PRDM16: variants seen among roughly 807,000 people sequenced by gnomAD.
PRDM16 encodes the protein PR/SET domain 16.
In PRDM16, 23 loss-of-function variants were observed where a neutral mutation model predicts 110.6. That is an observed-to-expected ratio of 0.21 (90% CI 0.15 to 0.29). The LOEUF (loss-of-function observed/expected upper bound fraction) is 0.29, where lower values mean the gene tolerates loss of function less well. Ranked by LOEUF, PRDM16 falls within the 10% of genes least tolerant of loss-of-function variation. The pLI is 1.00. For missense variants in PRDM16, 1,615 were observed against 1,794.3 expected, an observed-to-expected ratio of 0.90 and a Z score of 1.81; for synonymous variants, 799 against 781.8, an observed-to-expected ratio of 1.02 and a Z score of -0.37.
intron 1 of PRDM16, among the ~76,000 whole-genome samples, chr1:3,159,389 C>T (rs556069338): frequency 9.8e-5 from 15 of 152,366 alleles, no homozygotes; most frequent in Non-Finnish European, 1.8e-4. Context: ...ACAGTATCAG[C>T]AGGCTGGCTC....
rs1391796854 is a variant in PRDM16 at position 3,143,089 on chromosome 1, GA to G, written c.38-43035del. On this transcript the variant is annotated intron_variant, in intron 1 of 16. Coordinates refer to ENST00000270722, the MANE Select transcript of PRDM16 (RefSeq NM_022114.4). This position sits in a 1 kb window ranked among gnomAD's most constrained non-coding sequence, Gnocchi z 4.5. ...TACCCGCGGGCACCCATGGAAGCCT[GA>G]GCTCTGTCTTTTCAGTCGCCTGTCA... Among the ~76,000 whole-genome samples the G allele has an allele frequency of 1.3e-5, 2 of 152,238 alleles. No homozygotes were observed. The highest frequency in any genetic ancestry group is 2.4e-5 in the African/African-American group (1 of 41,462).
intron 1 of PRDM16, among the ~76,000 whole-genome samples, chr1:3,147,492 C>T (rs1364056479): frequency 2.6e-5 from 4 of 152,092 alleles, no homozygotes; most frequent in Admixed American, 1.3e-4. Flanking sequence ...CTGTGGACTC[C>T]GTCGCCCTGA....
At chr1:3,100,152 C>T (rs950258962) in intron 1 of PRDM16, among the ~76,000 whole-genome samples, 1 of 152,074 alleles carries the variant, frequency 6.6e-6, no homozygotes, top group African/African-American at 2.4e-5. Flanking sequence ...TCCCCTGAGG[C>T]CTTTGGTCTT....
intron 1 of PRDM16, among the ~76,000 whole-genome samples, chr1:3,117,412 G>A (rs1174396401): frequency 6.6e-6 from 1 of 152,120 alleles, no homozygotes; most frequent in Non-Finnish European, 1.5e-5. Context: ...GGAGCTGGCG[G>A]GTGAGAACGC....
chr1:3,233,038 G>T (rs1428241027), intron 2 of PRDM16, among the ~76,000 whole-genome samples: 1 of 152,210 alleles, frequency 6.6e-6, no homozygotes, highest in Non-Finnish European at 1.5e-5. Flanking sequence ...ACTAAAAAGG[G>T]TTGAGATAAA....
intron 5 of PRDM16, among the ~76,000 whole-genome samples, chr1:3,397,444 G>A (rs939881776): frequency 3.3e-5 from 5 of 152,214 alleles, no homozygotes; most frequent in Admixed American, 6.5e-5. Context: ...GCTCATTCCT[G>A]CCTTCACGTC....
chr1:3,094,078 C>T (rs1642336889), intron 1 of PRDM16, among the ~76,000 whole-genome samples: 1 of 152,206 alleles, frequency 6.6e-6, no homozygotes, highest in Admixed American at 6.5e-5. Flanking sequence ...GTGGCTGCAG[C>T]CAGTGTGGTC....
At chr1:3,125,170 C>T (rs1056070149) in intron 1 of PRDM16, among the ~76,000 whole-genome samples, 2 of 152,404 alleles carry the variant, frequency 1.3e-5, no homozygotes, top group South Asian at 4.1e-4. Context: ...GTGCGCACCC[C>T]GCAGCTGCAC....
intron 4 of PRDM16, among the ~76,000 whole-genome samples, chr1:3,387,471 A>AC (rs1302330011): frequency 2.0e-5 from 3 of 151,936 alleles, no homozygotes; most frequent in South Asian, 4.2e-4. Context: ...GGCACTTCCG[A>AC]CCCCCTCAAC....
At chr1:3,280,507 AG>A (rs2100324099) in intron 3 of PRDM16, among the ~76,000 whole-genome samples, 1 of 152,278 alleles carries the variant, frequency 6.6e-6, no homozygotes, top group South Asian at 2.1e-4. Flanking sequence ...TCATGTGCGG[AG>A]GGACGGCGTA....
At position 3,186,269 on chromosome 1, in the gene PRDM16, C is replaced by A. The variant is rs1455068514; in HGVS notation, c.182C>A (p.Thr61Asn). ...CCCTTCCCCACCAGCGAGGACTTCA[C>A]CCCCAAGGAGGGCTCGCCGTACGAG... ...PSPFPTSEDF[T>N]PKEGSPYEAP... Residue 61 changes from threonine to asparagine, a missense_variant, in exon 2 of 17, where the codon ACC becomes AAC. Coordinates refer to ENST00000270722, the MANE Select transcript of PRDM16 (RefSeq NM_022114.4). 1 of 1,611,966 alleles carries A rather than the reference C, an allele frequency of 6.2e-7. No homozygotes were observed. Among genetic ancestry groups the A allele is most frequent in the South Asian group, 1.1e-5 (1 of 90,984 alleles).
rs1356245663 is a variant in PRDM16 at position 3,148,843 on chromosome 1, A to AC, written c.38-37282_38-37281insC. On this transcript the variant is annotated intron_variant, in intron 1 of 16. Transcript: ENST00000270722. The surrounding 1 kb of genome is among the most constrained non-coding windows in gnomAD (Gnocchi z 5.0). ...TTCTAGAAAGCCAGGATGTTTGTTA[A>AC]TTTATTTTTAAGATTTAGTGTGTTG... Among the ~76,000 whole-genome samples, 2 of 152,190 alleles carry AC rather than the reference A, an allele frequency of 1.3e-5. No individual in the cohort carries two copies.
Position 3,299,937 on chromosome 1 carries a change from A to G in PRDM16, c.438+55800A>G, listed in dbSNP as rs56192616. Among the ~76,000 whole-genome samples, 7 of 77,252 alleles carry G rather than the reference A, an allele frequency of 9.1e-5. 1 individual carries two copies. Among genetic ancestry groups the G allele is most frequent in the Admixed American group, 3.5e-4 (2 of 5,744 alleles). The allele number at this position is 77,252 out of a possible 152,430, so 50.7% of individuals were successfully genotyped here. A position where few individuals can be genotyped will look rare whatever the true frequency, so the allele number is the denominator to read the frequency against. On this transcript the variant is annotated intron_variant, in intron 3 of 16. Coordinates refer to ENST00000270722, the MANE Select transcript of PRDM16 (RefSeq NM_022114.4). ...GATGTTTCAGATCCCAGTCATGGTG[A>G]CTCTGCCCTTGTTGAAGATGCTATG... is the stretch of plus-strand genomic sequence containing the variant.
At chr1:3,308,496 G>T in intron 3 of PRDM16, 1 of 152,422 alleles carries the variant, frequency 6.6e-6, no homozygotes. Context: ...CAGGAACGTG[G>T]GGCATGGAGC....
intron 3 of PRDM16, among the ~76,000 whole-genome samples, chr1:3,378,080 C>T (rs1643026507): frequency 1.3e-5 from 2 of 152,214 alleles, no homozygotes; most frequent in Admixed American, 6.5e-5. Context: ...CTAGGGCAGG[C>T]GGAGACATCG....
intron 3 of PRDM16, among the ~76,000 whole-genome samples, chr1:3,357,940 C>T (rs140438606): frequency 1.3e-5 from 2 of 152,222 alleles, no homozygotes; most frequent in East Asian, 1.9e-4. Flanking sequence ...TCTCATACAG[C>T]GAAAGCACTG....
chr1:3,096,480 T>A (rs553806920), intron 1 of PRDM16, among the ~76,000 whole-genome samples: 1 of 152,322 alleles, frequency 6.6e-6, no homozygotes, highest in African/African-American at 2.4e-5. Context: ...GGAGAGGGTC[T>A]GTGTTTCGAA....
In PRDM16 at chr1:3,419,352, A is replaced by G. The variant is rs114394773; in HGVS notation, c.2939+608A>G. On this transcript the variant is annotated intron_variant, in intron 12 of 16. Transcript: ENST00000270722. ...ATCTGAGGAGCCGGCTGGCACCTGC[A>G]GTGAAGCAGTCACACAGCTCATCGG... Among the ~76,000 whole-genome samples the G allele has an allele frequency of 5.3e-3, 805 of 152,324 alleles. 5 individuals are homozygous for G. Among genetic ancestry groups the G allele is most frequent in the African/African-American group, 0.018 (761 of 41,570 alleles).
rs112893913 is a variant in PRDM16 at position 3,323,285 on chromosome 1, C to T, written c.439-61867C>T. On this transcript the variant is annotated intron_variant, in intron 3 of 16. Transcript: ENST00000270722. ...CACAGCGTTGCCATCACCAAGACGA[C>T]GGTGAGAGTCCGACCTCCTGGGCTT... 8.5e-5 allele frequency among the ~76,000 whole-genome samples: 13 copies of T among 152,340 alleles called. No individual in the cohort carries two copies. In the South Asian group the frequency reaches 2.1e-3, roughly 24 times the overall value.
Sources: allele counts gnomAD v4.1 joint callset (sites outside exome capture counted in the v4.1 genomes callset), GRCh38; gene constraint gnomAD v4.1.1; non-coding constraint Gnocchi (gnomAD v3.1); transcripts MANE v1.5; gene names NCBI Gene and HGNC (gene_info 2026-07-23, HGNC 2026-07-21).